NTRK2: variants seen among roughly 807,000 people sequenced by gnomAD.
NTRK2 encodes the protein BDNF/NT-3 growth factors receptor.
A neutral mutation model predicts 94.5 loss-of-function variants in NTRK2; 13 were observed. The observed-to-expected ratio is 0.14, with a 90% CI of 0.09 to 0.22. The LOEUF is 0.22. Ranked by LOEUF, NTRK2 falls within the 10% of genes least tolerant of loss-of-function variation. NTRK2 has a pLI of 1.00. For missense variants in NTRK2, 639 were observed against 1,071.2 expected (o/e 0.60, Z 5.63); for synonymous variants, 372 against 407.4 (o/e 0.91, Z 1.05).
intron 4 of NTRK2, among the ~76,000 whole-genome samples, chr9:84,706,629 A>G (rs1263782683): frequency 7.1e-6 from 1 of 140,038 alleles, no homozygotes; most frequent in African/African-American, 2.6e-5. Flanking sequence ...TCCCGGGTTC[A>G]TGCCATTCTC....
Position 84,873,606 on chromosome 9 carries a change from G to A in NTRK2, c.1633+6175G>A, listed in dbSNP as rs3780633. On this transcript the variant is annotated intron_variant, in intron 14 of 18. Transcript: ENST00000277120. ...ATAATGCTTTAAAAAAGCAACTTGA[G>A]TTTCTTAAAAGAAAGGAAATGAATA... 7.5e-3 allele frequency: 7,911 copies of A among 1,052,946 alleles called. 212 individuals are homozygous for A. The East Asian group carries it at 0.11, about 15-fold the overall frequency. 65.2% of individuals were successfully genotyped at this position (1,052,946 alleles called of 1,614,324 possible).
intron 8 of NTRK2, among the ~76,000 whole-genome samples, chr9:84,726,202 A>G (rs2062439954): frequency 1.3e-5 from 2 of 152,214 alleles, no homozygotes; most frequent in Admixed American, 1.3e-4. Flanking sequence ...AATATTAACA[A>G]CTGGCTGGGT....
chr9:84,930,811 A>T (rs1033370292), intron 14 of NTRK2, among the ~76,000 whole-genome samples: 16 of 152,116 alleles, frequency 1.1e-4, no homozygotes, highest in African/African-American at 3.4e-4. Context: ...ATGAGTTTTG[A>T]TGCCTTCTTA....
rs114361012 is a variant in NTRK2, at chr9:84,765,012, A to T, written c.1396+12927A>T. Among the ~76,000 whole-genome samples, 966 of 152,282 alleles carry T rather than the reference A, an allele frequency of 6.3e-3. 19 individuals are homozygous for T. The highest frequency in any genetic ancestry group is 0.021 in the African/African-American group (893 of 41,546). ...ATTTGTAGAATATAAAAGCCAAAAC[A>T]ATTGAACTCATGGACACAGACAGTA... is the stretch of plus-strand genomic sequence containing the variant. On this transcript the variant is annotated intron_variant, in intron 12 of 18. Transcript: ENST00000277120.
intron 2 of NTRK2, among the ~76,000 whole-genome samples, chr9:84,692,041 T>G (rs2060079370): frequency 6.6e-6 from 1 of 152,222 alleles, no homozygotes; most frequent in Non-Finnish European, 1.5e-5. Flanking sequence ...GCCATTTCTA[T>G]TTTTTGGAGA....
chr9:84,982,908 T>C (rs1175691096), intron 17 of NTRK2, among the ~76,000 whole-genome samples: 2 of 152,212 alleles, frequency 1.3e-5, no homozygotes, highest in East Asian at 3.8e-4. Flanking sequence ...ATGTATGTAT[T>C]CAGCAGATTA....
At chr9:84,718,991 G>T (rs1157471915) in intron 6 of NTRK2, among the ~76,000 whole-genome samples, 1 of 152,116 alleles carries the variant, frequency 6.6e-6, no homozygotes, top group African/African-American at 2.4e-5. Flanking sequence ...TGGAAACTGC[G>T]ATGACAGGGT....
At chr9:84,797,266 G>A (rs1003838308) in intron 12 of NTRK2, among the ~76,000 whole-genome samples, 5 of 151,714 alleles carry the variant, frequency 3.3e-5, no homozygotes, top group East Asian at 1.9e-4. Flanking sequence ...GGAACACACC[G>A]ACTCATTTCT....
intron 14 of NTRK2, among the ~76,000 whole-genome samples, chr9:84,889,148 G>A (rs1259566424): frequency 6.0e-5 from 9 of 148,812 alleles, no homozygotes; most frequent in Admixed American, 2.1e-4. Flanking sequence ...CCGCTACCAC[G>A]CCCGGCTAAT....
At chr9:85,015,756 C>A (rs1255373294) in intron 17 of NTRK2, among the ~76,000 whole-genome samples, 1 of 152,158 alleles carries the variant, frequency 6.6e-6, no homozygotes, top group African/African-American at 2.4e-5. Flanking sequence ...AGCTTGCCTT[C>A]ATAAAGGAGA....
At chr9:85,003,410 GA>G (rs1237727158) in intron 17 of NTRK2, among the ~76,000 whole-genome samples, 1 of 152,162 alleles carries the variant, frequency 6.6e-6, no homozygotes, top group Non-Finnish European at 1.5e-5. Context: ...ACACAGAAAA[GA>G]CAAGCAACAT....
At chr9:84,830,488 G>A (rs1049487569) in intron 12 of NTRK2, among the ~76,000 whole-genome samples, 1 of 151,654 alleles carries the variant, frequency 6.6e-6, no homozygotes, top group Admixed American at 6.6e-5. Context: ...GCAGCCTAAG[G>A]GTGTGTGTGT....
intron 6 of NTRK2, 102 bp downstream of exon 6, chr9:84,710,893 T>A: frequency 8.8e-7 from 1 of 1,138,790 alleles, no homozygotes; most frequent in Non-Finnish European, 1.3e-6. Context: ...TTGTATATAG[T>A]ATTCTGTTGA....
intron 5 of NTRK2, among the ~76,000 whole-genome samples, chr9:84,708,919 A>G (rs2061267798): frequency 6.6e-6 from 1 of 152,246 alleles, no homozygotes; most frequent in Non-Finnish European, 1.5e-5. Flanking sequence ...AGGAAGATAC[A>G]TGAGATAGGG....
At chr9:84,936,522 T>C (rs1370225039) in intron 15 of NTRK2, among the ~76,000 whole-genome samples, 1 of 152,170 alleles carries the variant, frequency 6.6e-6, no homozygotes, top group African/African-American at 2.4e-5. Context: ...GGCCCCTCTC[T>C]AGTTTATATC....
chr9:84,860,350 T>G (rs1367828792), intron 12 of NTRK2, among the ~76,000 whole-genome samples: 1 of 152,148 alleles, frequency 6.6e-6, no homozygotes, highest in Non-Finnish European at 1.5e-5. Context: ...GGTCTTTTCT[T>G]ACATGTGCCT....
chr9:84,748,498 G>A (rs1305441940), intron 11 of NTRK2, among the ~76,000 whole-genome samples: 1 of 152,218 alleles, frequency 6.6e-6, no homozygotes, highest in Admixed American at 6.5e-5. Context: ...GCTTGGATAA[G>A]TGAAGCATCT....
intron 12 of NTRK2, among the ~76,000 whole-genome samples, chr9:84,849,622 A>G (rs2074654146): frequency 6.6e-6 from 1 of 152,224 alleles, no homozygotes; most frequent in African/African-American, 2.4e-5. Context: ...GAGACAAGAC[A>G]GAAATATGTA....
intron 17 of NTRK2, among the ~76,000 whole-genome samples, chr9:84,968,265 C>G (rs534476521): frequency 6.6e-6 from 1 of 152,172 alleles, no homozygotes; most frequent in South Asian, 2.1e-4. Context: ...TCTCTGTGCC[C>G]TCAGCACACC....
Sources: gnomAD v4.1 joint callset for allele counts (sites outside exome capture counted in the v4.1 genomes callset) on GRCh38, gnomAD v4.1.1 for gene constraint, MANE v1.5 for transcripts, NCBI Gene and HGNC (gene_info 2026-07-23, HGNC 2026-07-21) for gene names.